The following DGKI variants were observed in gnomAD, a reference collection of about 807,000 sequenced individuals.
DGKI encodes the protein DAG kinase iota.
Under a neutral mutation model 147.5 loss-of-function variants are expected in DGKI, and 55 were observed. The ratio of observed to expected loss-of-function variants is 0.37; its 90% CI spans 0.30 to 0.47. The LOEUF is 0.47. Among genes scored for constraint, DGKI ranks in the 20% least tolerant of loss-of-function variants. The probability of loss-of-function intolerance (pLI) is 1.00; values close to 1 mark genes in which losing one functional copy is unlikely to be tolerated. For synonymous variants in DGKI, 469 were observed against 477.1 expected (o/e 0.98, Z 0.22); for missense variants, 1,007 against 1,323.8 (o/e 0.76, Z 3.71).
chr7:137,444,242 T>C, intron 27 of DGKI, 140 bp from the exon 28 acceptor site: 1 of 563,608 alleles, frequency 1.8e-6, no homozygotes, highest in Non-Finnish European at 3.1e-6. Context: ...ATGTGTTGAT[T>C]GCATGGTATA....
intron 3 of DGKI, among the ~76,000 whole-genome samples, chr7:137,669,729 A>C (rs1046444926): frequency 2.0e-5 from 3 of 152,248 alleles, no homozygotes; most frequent in African/African-American, 7.2e-5. Context: ...AAGGCAAAAG[A>C]ACTGCACAAA....
intron 19 of DGKI, among the ~76,000 whole-genome samples, chr7:137,556,832 A>G (rs892839692): frequency 3.3e-5 from 5 of 152,216 alleles, no homozygotes; most frequent in Non-Finnish European, 7.3e-5. Flanking sequence ...ATTTCATGTC[A>G]ACTTACCTAA....
intron 12 of DGKI, among the ~76,000 whole-genome samples, chr7:137,593,455 G>A (rs1819682877): frequency 6.6e-6 from 1 of 152,176 alleles, no homozygotes; most frequent in Admixed American, 6.5e-5. Context: ...ATTCTTGAGT[G>A]AGCTGAATTT....
rs1356435279 is a variant in DGKI at position 137,770,626 on chromosome 7, C to A, written c.401+75836G>T. Among the ~76,000 whole-genome samples, 13 of 50,470 alleles carry A rather than the reference C, an allele frequency of 2.6e-4. 2 individuals are homozygous for A. Among genetic ancestry groups the A allele is most frequent in the Non-Finnish European group, 4.0e-4 (12 of 29,824 alleles). The allele number at this position is 50,470 out of a possible 152,430, so 33.1% of individuals were successfully genotyped here. A position where few individuals can be genotyped will look rare whatever the true frequency, so the allele number is the denominator to read the frequency against. ...TCGGCTCACTGCAAGCTCCGCCTCC[C>A]GGGTTCACGCCATTCTCCTGCCTCA... On this transcript the variant is annotated intron_variant, in intron 1 of 32. Transcript: ENST00000614521.
In DGKI at chr7:137,618,151, A is replaced by ATATATATTTTT; in HGVS notation, c.993+1672_993+1673insAAAAATATATA. ...ACTATATATATATATATATATATAT[A>ATATATATTTTT]TTTTTTTTTTTTTACTCTATCATTC... On this transcript the variant is annotated intron_variant, in intron 8 of 32. Transcript: ENST00000614521. Among the ~76,000 whole-genome samples the ATATATATTTTT allele has an allele frequency of 9.4e-3, 98 of 10,450 alleles. 5 individuals carry two copies. The highest frequency in any genetic ancestry group is 0.012 in the African/African-American group (95 of 7,996). The allele number at this position is 10,450 out of a possible 152,430, so 6.9% of individuals were successfully genotyped here.
intron 22 of DGKI, among the ~76,000 whole-genome samples, chr7:137,486,244 G>C (rs144689073): frequency 3.3e-5 from 5 of 152,082 alleles, no homozygotes; most frequent in African/African-American, 1.2e-4. Context: ...GGTGCATTAA[G>C]CATGCTATTA....
At chr7:137,428,921 C>G (rs187945875) in intron 28 of DGKI, among the ~76,000 whole-genome samples, 61,695 of 151,760 alleles carry the variant, frequency 0.41, 13,098 homozygotes, top group East Asian at 0.74. Context: ...AGAAATGGAA[C>G]AACATTCCAT....
chr7:137,627,144 C>T (rs902908706), intron 6 of DGKI, among the ~76,000 whole-genome samples: 1 of 152,084 alleles, frequency 6.6e-6, no homozygotes, highest in East Asian at 1.9e-4. Flanking sequence ...TAGAAACCTA[C>T]CCCCATTTCA....
chr7:137,545,949 G>T (rs1289910109), intron 20 of DGKI: 4 of 702,676 alleles, frequency 5.7e-6, no homozygotes, highest in African/African-American at 3.5e-5. Context: ...TCCGCAGTTT[G>T]CACCTGATGA....
At chr7:137,642,678 A>G (rs1236380954) in intron 6 of DGKI, among the ~76,000 whole-genome samples, 1 of 152,158 alleles carries the variant, frequency 6.6e-6, no homozygotes, top group Non-Finnish European at 1.5e-5. Context: ...ATCATGAGTT[A>G]TCTCATCTGA....
At chr7:137,691,104 T>A (rs976604972) in intron 1 of DGKI, among the ~76,000 whole-genome samples, 4 of 152,082 alleles carry the variant, frequency 2.6e-5, no homozygotes, top group African/African-American at 7.2e-5. Context: ...CAACTCTGAG[T>A]CCTGAATCAG....
intron 21 of DGKI, among the ~76,000 whole-genome samples, chr7:137,515,393 A>G (rs1456340572): frequency 6.6e-6 from 1 of 152,140 alleles, no homozygotes; most frequent in Admixed American, 6.6e-5. Context: ...AGTACTAGAA[A>G]TAAGGTAAGC....
At chr7:137,466,814 G>T in intron 25 of DGKI, 88 bp downstream of exon 25, 1 of 1,412,644 alleles carries the variant, frequency 7.1e-7, no homozygotes, top group Non-Finnish European at 1.0e-6. Context: ...AGTGGTTTTC[G>T]TTAGAAAAAT....
rs551271798 is a variant in DGKI at position 137,477,665 on chromosome 7, A to AT, written c.2373+7708dup. The stretch of plus-strand genomic sequence containing the variant: ...CAGTTTTATTTTTAGTGTAATTTTT[A>AT]TTTTTTTTTGAGACAGGGTCTCACC... On this transcript the variant is annotated intron_variant, in intron 23 of 32. Coordinates refer to ENST00000614521, the MANE Select transcript of DGKI (RefSeq NM_001321708.2). Among the ~76,000 whole-genome samples, 96 of 151,184 alleles carry AT rather than the reference A, an allele frequency of 6.3e-4. No individual in the cohort carries two copies. In the South Asian group the frequency reaches 0.013, roughly 20 times the overall value.
intron 23 of DGKI, among the ~76,000 whole-genome samples, chr7:137,473,643 C>G (rs1815063896): frequency 6.6e-6 from 1 of 152,060 alleles, no homozygotes; most frequent in South Asian, 2.1e-4. Context: ...ACCAAAACAA[C>G]AAACAACAAA....
rs568280359 is a variant in DGKI at position 137,846,391 on chromosome 7, C to G, written c.401+71G>C. 128 of 1,064,978 alleles carry G rather than the reference C, an allele frequency of 1.2e-4. No individual in the cohort carries two copies. The African/African-American group carries it at 5.4e-3, about 45-fold the overall frequency. 66.0% of individuals were successfully genotyped at this position (1,064,978 alleles called of 1,614,324 possible). A position where few individuals can be genotyped will look rare whatever the true frequency, so the allele number is the denominator to read the frequency against. ...GAGGTGCCCAACTCCGCGGAAGCGC[C>G]CCTTGCTGGGTAGAAGAGTGGGTCT... On this transcript the variant is annotated intron_variant, in intron 1 of 32. Coordinates refer to ENST00000614521, the MANE Select transcript of DGKI (RefSeq NM_001321708.2). This position sits in a 1 kb window ranked among gnomAD's most constrained non-coding sequence, Gnocchi z 4.0.
chr7:137,471,276 G>T (rs564110916), intron 23 of DGKI, among the ~76,000 whole-genome samples: 1 of 152,264 alleles, frequency 6.6e-6, no homozygotes, highest in East Asian at 1.9e-4. Context: ...TCAAATGTAG[G>T]GAGCAGCACT....
intron 1 of DGKI, among the ~76,000 whole-genome samples, chr7:137,712,936 A>G (rs749683316): frequency 1.3e-5 from 2 of 152,226 alleles, no homozygotes; most frequent in Non-Finnish European, 2.9e-5. Context: ...TCTGCGAAGA[A>G]TCCTGAAAAA....
At chr7:137,586,601 G>A (rs1585257957) in intron 13 of DGKI, among the ~76,000 whole-genome samples, 1 of 152,142 alleles carries the variant, frequency 6.6e-6, no homozygotes, top group East Asian at 1.9e-4. Flanking sequence ...CCTGAAGTTG[G>A]CTTCATTGTG....
Sources: gnomAD v4.1 joint callset for allele counts (sites outside exome capture counted in the v4.1 genomes callset) on GRCh38, gnomAD v4.1.1 for gene constraint, Gnocchi (gnomAD v3.1) non-coding constraint, MANE v1.5 for transcripts, NCBI Gene and HGNC (gene_info 2026-07-23, HGNC 2026-07-21) for gene names.